NUP133: variants seen among roughly 807,000 people sequenced by gnomAD.
NUP133 encodes the protein nuclear pore complex protein Nup133.
A neutral mutation model predicts 146.2 loss-of-function variants in NUP133; 66 were observed. That is an observed-to-expected ratio of 0.45 (90% CI 0.37 to 0.55). The LOEUF (loss-of-function observed/expected upper bound fraction) is 0.55, where lower values mean the gene tolerates loss of function less well. Ranked by LOEUF, NUP133 falls within the 20% of genes least tolerant of loss-of-function variation. The pLI is 0.00. For synonymous variants in NUP133, 521 were observed against 498.8 expected (o/e 1.04, Z -0.59); for missense variants, 1,277 against 1,374.8 (o/e 0.93, Z 1.12).
At chr1:229,468,058 G>A (rs977680342) in intron 15 of NUP133, among the ~76,000 whole-genome samples, 20 of 152,030 alleles carry the variant, frequency 1.3e-4, no homozygotes, top group Admixed American at 1.2e-3. Context: ...CTCATATGCC[G>A]TGTCAACATA....
rs1262574038 is a variant in NUP133 at position 229,470,730 on chromosome 1, C to T, written c.1926G>A (p.Glu642=). 3 of 1,614,210 alleles carry T rather than the reference C, an allele frequency of 1.9e-6. No individual in the cohort carries two copies. The Admixed American group carries it at 5.0e-5, about 27-fold the overall frequency. The change falls in exon 15 of 26, where the codon GAG becomes GAA. Residue 642 remains glutamate, a synonymous_variant. Transcript: ENST00000261396. The part of the protein sequence containing the change: ...TPMATRLLLC[E]HAEKLSAAIV... ...TGGCGGCTGACAGCTTTTCGGCATG[C>T]TCACAGAGCAACAGTCGAGTGGCCA...
chr1:229,463,301 G>C (rs1660732683), intron 19 of NUP133, among the ~76,000 whole-genome samples: 1 of 152,200 alleles, frequency 6.6e-6, no homozygotes, highest in African/African-American at 2.4e-5. Context: ...GGAGGTGTGG[G>C]AGGGGGTGAG....
At chr1:229,450,726 T>C in intron 22 of NUP133, 121 bp from the exon 23 acceptor site, 1 of 502,288 alleles carries the variant, frequency 2.0e-6, no homozygotes, top group East Asian at 3.6e-5. Context: ...TTTGTTTGTT[T>C]GTTTGTTTGT....
At chr1:229,457,562 A>C (rs1051455312) in intron 21 of NUP133, among the ~76,000 whole-genome samples, 1 of 152,148 alleles carries the variant, frequency 6.6e-6, no homozygotes, top group Non-Finnish European at 1.5e-5. Context: ...TAGCTGTTAT[A>C]CTGTATTGGT....
intron 14 of NUP133, among the ~76,000 whole-genome samples, chr1:229,471,117 CTCTTT>C (rs1660945563): frequency 1.3e-5 from 2 of 152,232 alleles, no homozygotes; most frequent in African/African-American, 2.4e-5. Context: ...AGTCACACTG[CTCTTT>C]TCGTCTTTTT....
intron 15 of NUP133, 122 bp downstream of exon 15, chr1:229,470,458 C>T: frequency 1.3e-6 from 1 of 784,476 alleles, no homozygotes; most frequent in Non-Finnish European, 2.1e-6. Flanking sequence ...AATCTGGAGT[C>T]CAATTTAAAA....
chr1:229,441,408 A>T lies in NUP133; in HGVS notation c.*496T>A. On this transcript the variant is annotated 3_prime_UTR_variant, in exon 26 of 26. Transcript: ENST00000261396. Reference sequence around the variant, plus strand: ...TAGGCCCACTCTCCTTTGGTTTTTCATCTCATAATAAGTCAGCAAAAGTTG... The same window carrying T: ...TAGGCCCACTCTCCTTTGGTTTTTCTTCTCATAATAAGTCAGCAAAAGTTG... 1 of 532,430 alleles carries T rather than the reference A, an allele frequency of 1.9e-6. No individual in the cohort carries two copies. The highest frequency in any genetic ancestry group is 1.4e-5 in the South Asian group (1 of 71,170). 33.0% of individuals were successfully genotyped at this position (532,430 alleles called of 1,614,324 possible). A position where few individuals can be genotyped will look rare whatever the true frequency, so the allele number is the denominator to read the frequency against.
At chr1:229,501,483 T>C (rs1315729969) in intron 3 of NUP133, among the ~76,000 whole-genome samples, 1 of 152,160 alleles carries the variant, frequency 6.6e-6, no homozygotes, top group East Asian at 1.9e-4. Flanking sequence ...AAGAGAGTAG[T>C]GTATCTAAGC....
At chr1:229,484,167 T>G in intron 11 of NUP133, 22 bp from the exon 12 acceptor site, 1 of 1,553,286 alleles carries the variant, frequency 6.4e-7, no homozygotes, top group Admixed American at 1.7e-5. Context: ...CAAAGTATAG[T>G]TTAGAGGTAA....
At chr1:229,452,903 G>C (rs967605662) in intron 21 of NUP133, among the ~76,000 whole-genome samples, 15 of 152,136 alleles carry the variant, frequency 9.9e-5, no homozygotes, top group South Asian at 2.1e-4. Context: ...AACAAGTAAG[G>C]AAATACGTTC....
intron 24 of NUP133, 124 bp downstream of exon 24, chr1:229,449,002 G>T: frequency 1.4e-6 from 1 of 736,510 alleles, no homozygotes. Flanking sequence ...GTTGCCCAGT[G>T]TAGGAGGTGG....
At chr1:229,497,693 A>C (rs1661687178) in intron 6 of NUP133, among the ~76,000 whole-genome samples, 1 of 152,214 alleles carries the variant, frequency 6.6e-6, no homozygotes, top group Non-Finnish European at 1.5e-5. Flanking sequence ...CCGAGCAGCG[A>C]GTAGATGGTC....
chr1:229,501,693 G>A (rs1487168998), intron 3 of NUP133, among the ~76,000 whole-genome samples: 1 of 152,164 alleles, frequency 6.6e-6, no homozygotes, highest in Non-Finnish European at 1.5e-5. Flanking sequence ...ATTTGCTTAT[G>A]TGGATAGCAT....
intron 13 of NUP133, among the ~76,000 whole-genome samples, 162 bp downstream of exon 13, chr1:229,477,435 G>A (rs1445485133): frequency 8.1e-6 from 1 of 122,746 alleles, no homozygotes; most frequent in Non-Finnish European, 1.6e-5. Flanking sequence ...GCCTTGCTCT[G>A]TCTCAAAAAA....
At chr1:229,453,835 A>G (rs1256199661) in intron 21 of NUP133, among the ~76,000 whole-genome samples, 1 of 152,220 alleles carries the variant, frequency 6.6e-6, no homozygotes, top group East Asian at 1.9e-4. Flanking sequence ...TTAACTTTTT[A>G]TAACAGACCT....
chr1:229,447,831 G>C (rs1660344881), intron 24 of NUP133, among the ~76,000 whole-genome samples: 1 of 152,138 alleles, frequency 6.6e-6, no homozygotes, highest in Non-Finnish European at 1.5e-5. Flanking sequence ...ACTTTCAGAT[G>C]CGTTAGAATC....
intron 4 of NUP133, among the ~76,000 whole-genome samples, 174 bp downstream of exon 4, chr1:229,500,582 G>A (rs1009529689): frequency 6.6e-6 from 1 of 152,258 alleles, no homozygotes; most frequent in Admixed American, 6.5e-5. Flanking sequence ...ATCTATAACT[G>A]TATTCTCTAT....
At chr1:229,445,114 G>T in intron 24 of NUP133, 112 bp from the exon 25 acceptor site, 1 of 753,662 alleles carries the variant, frequency 1.3e-6, no homozygotes. Context: ...TGGAGAATCT[G>T]AGTTTTGTGA....
intron 11 of NUP133, 35 bp from the exon 12 acceptor site, chr1:229,484,180 G>A: frequency 6.8e-7 from 1 of 1,461,456 alleles, no homozygotes; most frequent in Admixed American, 1.8e-5. Flanking sequence ...AGAGGTAAAG[G>A]CATCTGAATA....
Sources: allele counts gnomAD v4.1 joint callset (sites outside exome capture counted in the v4.1 genomes callset), GRCh38; gene constraint gnomAD v4.1.1; transcripts MANE v1.5; gene names NCBI Gene and HGNC (gene_info 2026-07-23, HGNC 2026-07-21).